PRAMEF20: variants seen among roughly 807,000 people sequenced by gnomAD.
PRAMEF20 encodes PRAME family member 20/21.
In PRAMEF20, 27 loss-of-function variants were observed where a neutral mutation model predicts 32.4. The ratio of observed to expected loss-of-function variants is 0.83; its 90% CI spans 0.61 to 1.15. The LOEUF is 1.15. Among genes scored for constraint, PRAMEF20 ranks in the 50% most tolerant of loss-of-function variants. The pLI, the probability that PRAMEF20 is intolerant of heterozygous loss-of-function variation, is 0.00. For missense variants in PRAMEF20, 604 were observed against 584.5 expected (o/e 1.03, Z -0.34); for synonymous variants, 256 against 235.4 (o/e 1.09, Z -0.80).
intron 2 of PRAMEF20, among the ~76,000 whole-genome samples, chr1:13,419,462 AT>A (rs1428628835): frequency 6.7e-6 from 1 of 150,330 alleles, no homozygotes; most frequent in African/African-American, 2.5e-5. Context: ...AAACAAGATA[AT>A]TTTTTTTGTT....
chr1:13,420,800 A>G, exon 3 of PRAMEF20: 1 of 1,613,782 alleles, frequency 6.2e-7, no homozygotes, highest in Non-Finnish European at 8.5e-7. Flanking sequence ...TCAACTAAAG[A>G]CCCTGGACCT....
intron 1 of PRAMEF20, among the ~76,000 whole-genome samples, chr1:13,416,914 G>A (rs1557476560): frequency 6.6e-6 from 1 of 152,100 alleles, no homozygotes; most frequent in Non-Finnish European, 1.5e-5. Context: ...GCTCACACCT[G>A]TAATCCCAGC....
upstream of PRAMEF20, chr1:13,416,202 TACAGAGTAGAATTGGA>T (rs1203903242): frequency 5.4e-5 from 78 of 1,442,646 alleles, no homozygotes; most frequent in Non-Finnish European, 9.7e-6. Flanking sequence ...GGCCACTGAG[TACAGAGTAGAATTGGA>T]GTAAACTGAG....
intron 1 of PRAMEF20, among the ~76,000 whole-genome samples, 169 bp from the exon 3 acceptor site, chr1:13,417,953 T>TGTGTGTGTGTGTGTGTGTGTGTGTGTGTG (rs1253350852): frequency 3.5e-5 from 5 of 143,908 alleles, no homozygotes; most frequent in Non-Finnish European, 4.6e-5. Flanking sequence ...TGTGTGTGTG[T>TGTGTGTGTGTGTGTGTGTGTGTGTGTGTG]TTAGTAGAGA....
chr1:13,417,422 GT>G (rs1372487280), intron 1 of PRAMEF20, among the ~76,000 whole-genome samples: 1 of 151,924 alleles, frequency 6.6e-6, no homozygotes, highest in Non-Finnish European at 1.5e-5. Context: ...TCTGAACATG[GT>G]GAAACCCCAA....
chr1:13,414,208 A>ATTTTTTTTTTTTTTTTTT (rs149194621), upstream of PRAMEF20, among the ~76,000 whole-genome samples: 2 of 123,280 alleles, frequency 1.6e-5, no homozygotes, highest in Non-Finnish European at 1.6e-5. Context: ...CACCTGACTA[A>ATTTTTTTTTTTTTTTTTT]TTTTTTTTTT....
Position 13,418,850 on chromosome 1 carries a change from C to T in PRAMEF20, c.866+150C>T, listed in dbSNP as rs1641213177. On this transcript the variant is annotated intron_variant, in intron 2 of 2. Coordinates refer to ENST00000602960, the Ensembl canonical transcript of PRAMEF20. ...TTTCCTGTTGGAAGTGGGTATCACA[C>T]ATTCATCCCAATGAAGACAGAGGAA... 1.3e-5 allele frequency: 18 copies of T among 1,427,814 alleles called. No homozygotes were observed. The South Asian group carries it at 2.1e-4, about 16-fold the overall frequency. 88.4% of individuals were successfully genotyped at this position (1,427,814 alleles called of 1,614,324 possible).
At chr1:13,416,763 A>G in intron 1 of PRAMEF20, 122 bp downstream of exon 2, 1 of 1,568,700 alleles carries the variant, frequency 6.4e-7, no homozygotes, top group Admixed American at 2.0e-5. Flanking sequence ...TTGGTGAGGA[A>G]GCTTAGAGAG....
intron 2 of PRAMEF20, among the ~76,000 whole-genome samples, chr1:13,420,002 G>A (rs1440099171): frequency 6.6e-6 from 1 of 152,158 alleles, no homozygotes; most frequent in Non-Finnish European, 1.5e-5. Flanking sequence ...TGATACAGGC[G>A]TGTCAGGGAC....
chr1:13,418,714 G>T lies in PRAMEF20; in HGVS notation c.866+14G>T. The stretch of plus-strand genomic sequence containing the variant: ...CCAGATGCTCAGGTGAGGAAGGGTA[G>T]TGAGCTTTCTCTGCAGACCACAGCA... On this transcript the variant is annotated intron_variant, in intron 2 of 2. Transcript: ENST00000602960. 6.2e-7 allele frequency: 1 copy of T among 1,612,984 alleles called. No individual in the cohort carries two copies. Among genetic ancestry groups the T allele is most frequent in the Non-Finnish European group, 8.5e-7 (1 of 1,179,870 alleles).
upstream of PRAMEF20, chr1:13,416,299 G>A: frequency 1.9e-6 from 3 of 1,611,934 alleles, no homozygotes; most frequent in East Asian, 2.2e-5. Context: ...TGGCCTGAGA[G>A]TGATGCCTTT....
upstream of PRAMEF20, among the ~76,000 whole-genome samples, chr1:13,412,518 ATTC>A (rs1641123721): frequency 6.6e-6 from 1 of 152,058 alleles, no homozygotes. Flanking sequence ...CAGACTTTCA[ATTC>A]TTCAAGATCC....
At chr1:13,417,910 T>TGTGTGTGTGTG (rs1369049111) in intron 1 of PRAMEF20, among the ~76,000 whole-genome samples, 4,699 of 124,244 alleles carry the variant, frequency 0.038, 335 homozygotes, top group Admixed American at 0.051. Flanking sequence ...CCCGGCTAAT[T>TGTGTGTGTGTG]TGTGTGTGTG....
the PRAMEF20 span, among the ~76,000 whole-genome samples, chr1:13,411,293 C>G: frequency 2.0e-5 from 3 of 152,174 alleles, no homozygotes; most frequent in East Asian, 5.8e-4. Flanking sequence ...CACACCACTG[C>G]TGTACTCCAG....
chr1:13,416,547 C>T, exon 1 of PRAMEF20: 1 of 1,614,154 alleles, frequency 6.2e-7, no homozygotes, highest in South Asian at 1.1e-5. Context: ...CCTCCGCCTT[C>T]CTCTGGGGTC....
intron 2 of PRAMEF20, among the ~76,000 whole-genome samples, chr1:13,420,419 G>A (rs968558230): frequency 1.1e-4 from 16 of 152,138 alleles, no homozygotes; most frequent in Non-Finnish European, 1.8e-4. Flanking sequence ...ATGTTGGCCA[G>A]GCTGGTCTCA....
chr1:13,419,445 G>A (rs1048797593), intron 2 of PRAMEF20, among the ~76,000 whole-genome samples: 2 of 151,866 alleles, frequency 1.3e-5, no homozygotes, highest in Non-Finnish European at 2.9e-5. Flanking sequence ...CACCACACCC[G>A]ACCCAAAAAC....
At chr1:13,420,809 C>A (rs34723490) in exon 3 of PRAMEF20, 1 of 1,613,864 alleles carries the variant, frequency 6.2e-7, no homozygotes, top group Non-Finnish European at 8.5e-7. Context: ...GACCCTGGAC[C>A]TGAGTGGCAC....
At chr1:13,417,568 A>C (rs1284472364) in intron 1 of PRAMEF20, among the ~76,000 whole-genome samples, 1 of 149,988 alleles carries the variant, frequency 6.7e-6, no homozygotes, top group Non-Finnish European at 1.5e-5. Context: ...GCGCCACTGC[A>C]CTCCAGCCTG....
Sources: gnomAD v4.1 joint callset for allele counts (sites outside exome capture counted in the v4.1 genomes callset) on GRCh38, gnomAD v4.1.1 for gene constraint, MANE v1.5 for transcripts, NCBI Gene and HGNC (gene_info 2026-07-23, HGNC 2026-07-21) for gene names.